Variants in PDLIM1 observed in about 807,000 individuals in gnomAD.
PDLIM1 encodes the protein PDZ and LIM domain 1, also known as PDZ and LIM domain protein 1.
Under a neutral mutation model 35.2 loss-of-function variants are expected in PDLIM1, and 25 were observed. The ratio of observed to expected loss-of-function variants is 0.71; its 90% CI spans 0.52 to 0.99. The LOEUF (loss-of-function observed/expected upper bound fraction) is 0.99, where lower values mean the gene tolerates loss of function less well. PDLIM1 is among the 50% of genes least tolerant of loss of function. The pLI is 0.00. For synonymous variants in PDLIM1, 152 were observed against 154.0 expected, an observed-to-expected ratio of 0.99 and a Z score of 0.10; for missense variants, 363 against 415.3, an observed-to-expected ratio of 0.87 and a Z score of 1.09.
intron 1 of PDLIM1, among the ~76,000 whole-genome samples, chr10:95,280,445 C>A (rs2035551802): frequency 6.6e-6 from 1 of 152,254 alleles, no homozygotes; most frequent in South Asian, 2.1e-4. Flanking sequence ...GAGTTTGTGA[C>A]CACTGGCTCA....
intron 1 of PDLIM1, among the ~76,000 whole-genome samples, chr10:95,288,476 C>T (rs1297877392): frequency 6.6e-6 from 1 of 152,138 alleles, no homozygotes; most frequent in Non-Finnish European, 1.5e-5. Context: ...GCTCACATTT[C>T]CTCACTATCA....
rs191587351 is a variant in PDLIM1 at position 95,271,497 on chromosome 10, C to A, written c.248+136G>T. ...CAATCTGAAGTTCAAATTCCACAGA[C>A]CTTTTGGCATGCCTATAGTATATAC... On this transcript the variant is annotated intron_variant, in intron 2 of 6. Coordinates refer to ENST00000329399, the MANE Select transcript of PDLIM1 (RefSeq NM_020992.4). The A allele has an allele frequency of 5.3e-5, 31 of 588,654 alleles. No homozygotes were observed. The East Asian group carries it at 9.3e-4, about 18-fold the overall frequency. 36.5% of individuals were successfully genotyped at this position (588,654 alleles called of 1,614,324 possible). A position where few individuals can be genotyped will look rare whatever the true frequency, so the allele number is the denominator to read the frequency against.
Position 95,268,761 on chromosome 10 carries a change from G to A in PDLIM1, c.333+17C>T, listed in dbSNP as rs1315442526. On this transcript the variant is annotated intron_variant, in intron 3 of 6. Coordinates refer to ENST00000329399, the MANE Select transcript of PDLIM1 (RefSeq NM_020992.4). ...GCTGGGTGGTGAGAGCAGCGGCAAC[G>A]ATGAGCAAGAACTTACCTGGGGTTC... The A allele has an allele frequency of 3.9e-6, 6 of 1,548,596 alleles. No homozygotes were observed. Among genetic ancestry groups the A allele is most frequent in the African/African-American group, 1.4e-5 (1 of 73,584 alleles).
chr10:95,274,847 T>C (rs1354944882), intron 1 of PDLIM1, among the ~76,000 whole-genome samples: 1 of 152,220 alleles, frequency 6.6e-6, no homozygotes. Flanking sequence ...CTTTGGTCAT[T>C]CCTGGGCATC....
chr10:95,287,345 C>T (rs542312836), intron 1 of PDLIM1, among the ~76,000 whole-genome samples: 1 of 152,282 alleles, frequency 6.6e-6, no homozygotes, highest in South Asian at 2.1e-4. Context: ...TCCGGAAATA[C>T]CACTCTTAAA....
At chr10:95,253,042 G>A (rs2035279967) in intron 4 of PDLIM1, among the ~76,000 whole-genome samples, 1 of 151,922 alleles carries the variant, frequency 6.6e-6, no homozygotes. Context: ...ACAGGAAACA[G>A]GATAAACCTA....
chr10:95,251,014 G>A (rs939644810), intron 4 of PDLIM1, among the ~76,000 whole-genome samples: 1 of 152,148 alleles, frequency 6.6e-6, no homozygotes. Context: ...CTCCCCTTGA[G>A]CCCACCTCCC....
At chr10:95,261,818 G>A (rs866069125) in intron 4 of PDLIM1, among the ~76,000 whole-genome samples, 27 of 152,278 alleles carry the variant, frequency 1.8e-4, no homozygotes, top group Non-Finnish European at 3.2e-4. Context: ...AGACCAGCCT[G>A]ATCAACATGG....
intron 3 of PDLIM1, among the ~76,000 whole-genome samples, chr10:95,268,166 G>C (rs971258268): frequency 1.3e-5 from 2 of 152,104 alleles, no homozygotes; most frequent in African/African-American, 4.8e-5. Context: ...GGGATCTTAG[G>C]GCAGTCTACT....
intron 5 of PDLIM1, 138 bp from the exon 6 acceptor site, chr10:95,238,823 C>A: frequency 3.4e-6 from 2 of 596,870 alleles, no homozygotes; most frequent in African/African-American, 1.8e-5. Flanking sequence ...TGATCCTGGG[C>A]AAGTAACTTA....
Position 95,247,494 on chromosome 10 carries a change from A to T in PDLIM1, c.534-128T>A, listed in dbSNP as rs528058999. The T allele has an allele frequency of 1.6e-5, 12 of 729,458 alleles. No homozygotes were observed. In the South Asian group the frequency reaches 2.5e-4, roughly 15 times the overall value. 45.2% of individuals were successfully genotyped at this position (729,458 alleles called of 1,614,324 possible). On this transcript the variant is annotated intron_variant, in intron 4 of 6. Coordinates refer to ENST00000329399, the MANE Select transcript of PDLIM1 (RefSeq NM_020992.4). ...AGAAATGATCTCAAAGCCCTCTCCT[A>T]AATCAGCCACAGACCTGCTGCCAGC... is the stretch of plus-strand genomic sequence containing the variant.
Position 95,237,618 on chromosome 10 carries a change from C to A in PDLIM1, c.*307G>T. The A allele has an allele frequency of 3.0e-6, 1 of 335,582 alleles. No individual in the cohort carries two copies. Among genetic ancestry groups the A allele is most frequent in the Non-Finnish European group, 5.5e-6 (1 of 180,990 alleles). 20.8% of individuals were successfully genotyped at this position (335,582 alleles called of 1,614,324 possible). On this transcript the variant is annotated 3_prime_UTR_variant, in exon 7 of 7. Coordinates refer to ENST00000329399, the MANE Select transcript of PDLIM1 (RefSeq NM_020992.4). ...GAGTAAAAACAAAATCAGTGTCAGA[C>A]ACGTTATATTTGATTGGGTTCAAAT...
intron 2 of PDLIM1, among the ~76,000 whole-genome samples, chr10:95,269,521 G>C (rs1386386039): frequency 1.4e-5 from 2 of 147,656 alleles, no homozygotes; most frequent in South Asian, 4.3e-4. Context: ...GCAGTGAGCT[G>C]AGATAGCACC....
At chr10:95,255,897 C>A (rs113725303) in intron 4 of PDLIM1, among the ~76,000 whole-genome samples, 3,119 of 84,756 alleles carry the variant, frequency 0.037, 64 homozygotes, top group African/African-American at 0.069. Context: ...GATCCCCCCC[C>A]ACTACACACA....
At chr10:95,287,811 G>A (rs1264903057) in intron 1 of PDLIM1, among the ~76,000 whole-genome samples, 2 of 151,928 alleles carry the variant, frequency 1.3e-5, no homozygotes, top group African/African-American at 4.8e-5. Context: ...GAGAATGTGG[G>A]TAAAAGAAGC....
chr10:95,243,410 G>T (rs1393629338), intron 5 of PDLIM1, among the ~76,000 whole-genome samples: 1 of 152,142 alleles, frequency 6.6e-6, no homozygotes, highest in Non-Finnish European at 1.5e-5. Flanking sequence ...GAAAAAAAGT[G>T]AAAATTAGCT....
At chr10:95,238,709 T>C (rs372785139) in intron 5 of PDLIM1, 24 bp from the exon 6 acceptor site, 106 of 1,456,278 alleles carry the variant, frequency 7.3e-5, no homozygotes, top group Middle Eastern at 1.7e-4. Context: ...AACACTGTCA[T>C]TGGCCAGGAA....
chr10:95,245,548 TA>T (rs2035212113), intron 5 of PDLIM1, among the ~76,000 whole-genome samples: 2 of 152,150 alleles, frequency 1.3e-5, no homozygotes, highest in Non-Finnish European at 2.9e-5. Context: ...CACATCCACG[TA>T]AGAGTGAAAT....
In PDLIM1 at chr10:95,237,933, G is replaced by A. The variant is rs772502005; in HGVS notation, c.982C>T (p.Pro328Ser). ...TGGTCAGATCTGCTGGCTCACTTGG[G>A]GAACACAGTGACCACTTCATAACCC... is the stretch of plus-strand genomic sequence containing the variant. ...PEGYEVVTVF[P>S]K Residue 328 changes from proline to serine, a missense_variant, in exon 7 of 7, where the codon CCC (proline) becomes TCC (serine). Coordinates refer to ENST00000329399, the MANE Select transcript of PDLIM1 (RefSeq NM_020992.4). 6.2e-7 allele frequency: 1 copy of A among 1,613,878 alleles called. No homozygotes were observed. The highest frequency in any genetic ancestry group is 2.2e-5 in the East Asian group (1 of 44,886).
Sources: gnomAD v4.1 joint callset for allele counts (sites outside exome capture counted in the v4.1 genomes callset) on GRCh38, gnomAD v4.1.1 for gene constraint, MANE v1.5 for transcripts, NCBI Gene and HGNC (gene_info 2026-07-23, HGNC 2026-07-21) for gene names.